STPG2: variants seen among roughly 807,000 people sequenced by gnomAD.
STPG2 encodes the protein sperm tail PG-rich repeat containing 2.
STPG2 carries 56 observed loss-of-function variants against 54.2 expected under a neutral mutation model. The observed-to-expected ratio is 1.03, with a 90% CI of 0.83 to 1.29. The LOEUF (loss-of-function observed/expected upper bound fraction) is 1.29. STPG2 is among the 50% of genes most tolerant of loss of function. STPG2 has a pLI of 0.00. For synonymous variants in STPG2, 200 were observed against 181.8 expected (o/e 1.10, Z -0.81); for missense variants, 596 against 544.9 (o/e 1.09, Z -0.93).
intron 4 of STPG2, among the ~76,000 whole-genome samples, chr4:97,545,354 A>G (rs1326278682): frequency 6.6e-6 from 1 of 152,116 alleles, no homozygotes; most frequent in African/African-American, 2.4e-5. Context: ...TGGGTTTGCA[A>G]ACTATAAACA....
chr4:97,629,151 C>T (rs764320663), intron 10 of STPG2, among the ~76,000 whole-genome samples: 15 of 151,596 alleles, frequency 9.9e-5, no homozygotes, highest in Non-Finnish European at 2.1e-4. Flanking sequence ...CAGAATTTTC[C>T]AATAATAATA....
intron 8 of STPG2, among the ~76,000 whole-genome samples, chr4:97,875,137 T>G (rs1730128590): frequency 6.6e-6 from 1 of 152,000 alleles, no homozygotes; most frequent in African/African-American, 2.4e-5. Flanking sequence ...TGGCTTTGGT[T>G]AATAAGACTG....
chr4:97,913,008 T>G (rs1731739662), intron 8 of STPG2, among the ~76,000 whole-genome samples: 1 of 152,220 alleles, frequency 6.6e-6, no homozygotes, highest in Non-Finnish European at 1.5e-5. Context: ...AAAGTTCTTT[T>G]AGCAGAACAA....
intron 8 of STPG2, among the ~76,000 whole-genome samples, chr4:97,902,183 T>C (rs1271538327): frequency 2.0e-5 from 3 of 152,052 alleles, no homozygotes; most frequent in Non-Finnish European, 4.4e-5. Context: ...ATGTCAGACC[T>C]GAAACCACAG....
At chr4:97,972,552 T>C in intron 6 of STPG2, 112 bp from the exon 7 acceptor site, 2 of 610,314 alleles carry the variant, frequency 3.3e-6, no homozygotes, top group Non-Finnish European at 5.0e-6. Flanking sequence ...CCCTCACATA[T>C]TTCTGGCATA....
At chr4:97,696,409 A>T (rs1723575717) in intron 10 of STPG2, among the ~76,000 whole-genome samples, 1 of 152,360 alleles carries the variant, frequency 6.6e-6, no homozygotes, top group Middle Eastern at 3.4e-3. Context: ...GAGACCTGAA[A>T]CCATACAAAT....
At chr4:97,631,291 T>A (rs1052920137) in intron 10 of STPG2, among the ~76,000 whole-genome samples, 9 of 152,064 alleles carry the variant, frequency 5.9e-5, no homozygotes, top group Non-Finnish European at 1.5e-5. Context: ...TCAAGTGTCA[T>A]AACTTGTTTA....
intron 4 of STPG2, among the ~76,000 whole-genome samples, chr4:97,445,027 A>T (rs1420060797): frequency 6.6e-6 from 1 of 152,108 alleles, no homozygotes; most frequent in Non-Finnish European, 1.5e-5. Flanking sequence ...ACAGAGCAAG[A>T]CTCCATCTCA....
intron 9 of STPG2, among the ~76,000 whole-genome samples, chr4:97,802,554 T>C (rs1056464414): frequency 3.9e-5 from 6 of 152,108 alleles, no homozygotes; most frequent in Non-Finnish European, 7.4e-5. Context: ...CACTCCAACC[T>C]CCATCTCCCA....
intron 4 of STPG2, among the ~76,000 whole-genome samples, chr4:97,549,970 C>G (rs1298645006): frequency 6.6e-6 from 1 of 151,984 alleles, no homozygotes; most frequent in African/African-American, 2.4e-5. Context: ...AATAAGCCAT[C>G]TAAGCTATAT....
intron 7 of STPG2, among the ~76,000 whole-genome samples, chr4:97,949,884 GT>G (rs1560605725): frequency 7.0e-6 from 1 of 142,712 alleles, no homozygotes; most frequent in Non-Finnish European, 1.5e-5. Flanking sequence ...TTTGTTTTTT[GT>G]TTTGTTTTTT....
intron 4 of STPG2, among the ~76,000 whole-genome samples, chr4:97,489,039 C>A (rs755002160): frequency 1.3e-5 from 2 of 151,528 alleles, no homozygotes; most frequent in Non-Finnish European, 3.0e-5. Context: ...ATCATGGGGG[C>A]GGGTCTTTCC....
chr4:98,112,779 C>T (rs1739401367), intron 3 of STPG2, among the ~76,000 whole-genome samples: 2 of 152,094 alleles, frequency 1.3e-5, no homozygotes, highest in African/African-American at 4.8e-5. Flanking sequence ...AGAATTCAGA[C>T]ATGTTTTGGA....
At chr4:97,860,172 A>G (rs1219237246) in intron 8 of STPG2, among the ~76,000 whole-genome samples, 1 of 152,154 alleles carries the variant, frequency 6.6e-6, no homozygotes, top group African/African-American at 2.4e-5. Context: ...ATGCCTCCAA[A>G]TTAGTTCCTT....
At chr4:97,537,443 G>A (rs1221969483) in intron 4 of STPG2, among the ~76,000 whole-genome samples, 2 of 152,134 alleles carry the variant, frequency 1.3e-5, no homozygotes, top group Non-Finnish European at 2.9e-5. Context: ...AGCCTCCCTT[G>A]TTGCTAGCAC....
At position 97,934,963 on chromosome 4, in the gene STPG2, T is replaced by C. The variant is rs369191128; in HGVS notation, c.1044+8934A>G. ...CTCCTCTTTGTACCTCTAGTAGAAT[T>C]TGTCTGTGAATTCATCTGATACTGG... is the stretch of plus-strand genomic sequence containing the variant. On this transcript the variant is annotated intron_variant, in intron 8 of 10. Coordinates refer to ENST00000295268, the MANE Select transcript of STPG2 (RefSeq NM_174952.3). Among the ~76,000 whole-genome samples, 16 of 152,314 alleles carry C rather than the reference T, an allele frequency of 1.1e-4. No homozygotes were observed. In the East Asian group the frequency reaches 2.5e-3, roughly 24 times the overall value.
chr4:97,908,583 T>G (rs376031857), intron 8 of STPG2, among the ~76,000 whole-genome samples: 2 of 151,926 alleles, frequency 1.3e-5, no homozygotes, highest in Non-Finnish European at 1.5e-5. Flanking sequence ...TATTGCAGCA[T>G]TATTCACAAT....
chr4:97,829,257 A>C (rs1728363330), intron 9 of STPG2, among the ~76,000 whole-genome samples: 1 of 152,164 alleles, frequency 6.6e-6, no homozygotes, highest in African/African-American at 2.4e-5. Context: ...AACTCCAGAA[A>C]ACTCCAGCAG....
chr4:98,066,651 A>G (rs1348093354), intron 5 of STPG2, among the ~76,000 whole-genome samples: 4 of 152,172 alleles, frequency 2.6e-5, no homozygotes, highest in African/African-American at 7.2e-5. Flanking sequence ...CTAACAAGAA[A>G]ATATATCTTA....
Sources: gnomAD v4.1 joint callset for allele counts (sites outside exome capture counted in the v4.1 genomes callset) on GRCh38, gnomAD v4.1.1 for gene constraint, MANE v1.5 for transcripts, NCBI Gene and HGNC (gene_info 2026-07-23, HGNC 2026-07-21) for gene names.